The following CCDC78 variants were observed in gnomAD, a reference collection of about 807,000 sequenced individuals.
CCDC78 encodes the protein coiled-coil domain-containing protein 78.
Under a neutral mutation model 61.9 loss-of-function variants are expected in CCDC78, and 78 were observed. The ratio of observed to expected loss-of-function variants is 1.26; its 90% CI spans 1.05 to 1.52. The LOEUF (loss-of-function observed/expected upper bound fraction) is 1.52. Among genes scored for constraint, CCDC78 ranks in the 40% most tolerant of loss-of-function variants. The pLI, the probability that CCDC78 is intolerant of heterozygous loss-of-function variation, is 0.00. For missense variants in CCDC78, 737 were observed against 615.5 expected (o/e 1.20, Z -2.09); for synonymous variants, 287 against 251.9 (o/e 1.14, Z -1.32).
Position 726,394 on chromosome 16 carries a change from A to T in CCDC78, c.-27T>A, listed in dbSNP as rs1298256518. The T allele has an allele frequency of 1.3e-6, 2 of 1,514,788 alleles. No homozygotes were observed. The highest frequency in any genetic ancestry group is 2.5e-5 in the South Asian group (2 of 80,408). 93.8% of individuals were successfully genotyped at this position (1,514,788 alleles called of 1,614,324 possible). A position where few individuals can be genotyped will look rare whatever the true frequency, so the allele number is the denominator to read the frequency against. On this transcript the variant is annotated 5_prime_UTR_variant, in exon 1 of 14. Coordinates refer to ENST00000345165, the MANE Select transcript of CCDC78 (RefSeq NM_001378030.1). ...GGCTAGGGAACCCTGGCCAGCTCCG[A>T]GCCCGGTGCTGCCTCCACGCCCGGC...
chr16:723,106 G>C lies in CCDC78; in HGVS notation c.1189C>G (p.Arg397Gly). 2 of 1,612,734 alleles carry C rather than the reference G, an allele frequency of 1.2e-6. No homozygotes were observed. Among genetic ancestry groups the C allele is most frequent in the East Asian group, 2.2e-5 (1 of 44,892 alleles). The change falls in exon 12 of 14, where the codon CGC (arginine) becomes GGC (glycine). Residue 397 changes from arginine to glycine, a missense_variant. Transcript: ENST00000345165. The stretch of plus-strand genomic sequence containing the variant: ...CCCTTGCCTCCTACCTGGGTGCTGC[G>C]GGAGAAGTCCCGGAGCTTCTGGTGG... ...QIHQKLRDFS[R>G]STQAELERER...
chr16:725,920 G>A (rs1470639246), intron 2 of CCDC78, 40 bp from the exon 3 acceptor site: 2 of 1,588,108 alleles, frequency 1.3e-6, no homozygotes, highest in Admixed American at 1.8e-5. Context: ...TGTGGGCCCT[G>A]CTGGCACCCT....
In CCDC78 at chr16:725,447, TG is replaced by T. The variant is rs758119082; in HGVS notation, c.400del (p.Gln134ArgfsTer19). On this transcript the variant is annotated frameshift_variant, in exon 4 of 14. Coordinates refer to ENST00000345165, the MANE Select transcript of CCDC78 (RefSeq NM_001378030.1). LOFTEE classifies it high-confidence loss of function. ...GTGGTCATCAGAGTGTCCAGGCACC[TG>T]GGCTTTGTGTCTGAGCTCTTGGGCT... is the stretch of plus-strand genomic sequence containing the variant. ...AAAQELRHKA[Q>X]VPGHSDDHRF... 8 of 1,612,674 alleles carry T rather than the reference TG, an allele frequency of 5.0e-6. No homozygotes were observed. The South Asian group carries it at 8.8e-5, about 18-fold the overall frequency.
chr16:722,880 C>A, intron 13 of CCDC78, 42 bp downstream of exon 13: 1 of 1,610,186 alleles, frequency 6.2e-7, no homozygotes, highest in Middle Eastern at 1.7e-4. Flanking sequence ...TCATTCCAAC[C>A]AGACCAGGGC....
rs1462255507 is a variant in CCDC78, at chr16:723,888, C to T, written c.1102G>A (p.Gly368Arg). The T allele has an allele frequency of 1.3e-6, 2 of 1,598,732 alleles. No individual in the cohort carries two copies. The highest frequency in any genetic ancestry group is 2.7e-5 in the African/African-American group (2 of 74,640). The change falls in exon 11 of 14, where the codon GGA (glycine) becomes AGA (arginine). Residue 368 changes from glycine to arginine, a missense_variant. By Grantham distance (125) the Gly-to-Arg change is moderately radical. Transcript: ENST00000345165. ...LLSSPKKRPG[G>R]ASQGGTSEPQ... ...TCTGATGTTCCCCCCTGGGAGGCTCCACCGGGTCTCTTTTTTGGGGATGAG... is the reference window on the plus strand; with the variant it reads ...TCTGATGTTCCCCCCTGGGAGGCTCTACCGGGTCTCTTTTTTGGGGATGAG...
At chr16:723,700 G>A in intron 11 of CCDC78, 157 bp downstream of exon 11, 1 of 729,716 alleles carries the variant, frequency 1.4e-6, no homozygotes, top group Non-Finnish European at 2.4e-6. Context: ...GGGACCCACG[G>A]AGGGACCCCA....
At position 724,906 on chromosome 16, in the gene CCDC78, C is replaced by A; in HGVS notation, c.639+5G>T. 6.3e-7 allele frequency: 1 copy of A among 1,599,484 alleles called. No homozygotes were observed. Among genetic ancestry groups the A allele is most frequent in the Admixed American group, 1.7e-5 (1 of 57,920 alleles). On this transcript the variant is annotated splice_donor_5th_base_variant and intron_variant, in intron 7 of 13. Transcript: ENST00000345165. ...GGTCTCCAAGCAGTCAGGGCAGAGC[C>A]TCACCACAGCCTGTGTGGCCAGTCG... is the stretch of plus-strand genomic sequence containing the variant.
intron 11 of CCDC78, chr16:723,626 G>A (rs760878264): frequency 1.3e-5 from 9 of 695,586 alleles, no homozygotes; most frequent in East Asian, 2.7e-5. Flanking sequence ...CTGATCCTCC[G>A]TGTTCAAGGC....
chr16:726,115 G>A (rs1246419474), intron 1 of CCDC78, 30 bp from the exon 2 acceptor site: 40 of 1,549,356 alleles, frequency 2.6e-5, no homozygotes, highest in Non-Finnish European at 3.1e-5. Context: ...CATTCCCCAG[G>A]TGGGTCCCAG....
chr16:725,093 G>A lies in CCDC78; in HGVS notation c.545C>T (p.Ala182Val), dbSNP rs1000549010. The change falls in exon 6 of 14, where the codon GCA becomes GTA. Residue 182 changes from alanine (A) to valine (V), a missense_variant. Coordinates refer to ENST00000345165, the MANE Select transcript of CCDC78 (RefSeq NM_001378030.1). ...GGCCACTCACACACGCGTCACCAGT[G>A]CCTGCTGCCGGGCCTCCTGATGCTC... is the stretch of plus-strand genomic sequence containing the variant. ...ALEHQEARQQ[A>V]LVTRVATLGR... 6.2e-7 allele frequency: 1 copy of A among 1,612,722 alleles called. No individual in the cohort carries two copies. Among genetic ancestry groups the A allele is most frequent in the African/African-American group, 1.3e-5 (1 of 75,042 alleles).
At chr16:724,543 A>G in intron 8 of CCDC78, 34 bp from the exon 9 acceptor site, 1 of 1,521,952 alleles carries the variant, frequency 6.6e-7, no homozygotes, top group Non-Finnish European at 8.9e-7. Context: ...CATGGGGCCC[A>G]CCCCCCATCT....
chr16:724,052 G>A (rs770577847), intron 10 of CCDC78, 54 bp downstream of exon 10: 33 of 882,094 alleles, frequency 3.7e-5, no homozygotes, highest in Non-Finnish European at 4.6e-5. Flanking sequence ...GTGTGGGGCA[G>A]TGGGTGGGTG....
intron 11 of CCDC78, 56 bp downstream of exon 11, chr16:723,801 G>A (rs367596066): frequency 1.6e-5 from 24 of 1,505,768 alleles, no homozygotes; most frequent in African/African-American, 6.9e-5. Context: ...GGGTGCAGGC[G>A]TTGTGCTCTC....
chr16:723,293 C>G, intron 11 of CCDC78, 132 bp from the exon 12 acceptor site: 1 of 842,308 alleles, frequency 1.2e-6, no homozygotes, highest in South Asian at 1.5e-5. Flanking sequence ...AGGCATGGGC[C>G]CCCCCCGTGC....
chr16:726,197 T>C (rs1156283016), intron 1 of CCDC78, 111 bp downstream of exon 1: 2 of 1,550,164 alleles, frequency 1.3e-6, no homozygotes, highest in Non-Finnish European at 1.7e-6. Context: ...TAAAAGTCCC[T>C]CTCCTGGCTG....
rs370998388 is a variant in CCDC78 at position 725,261 on chromosome 16, A to G, written c.468T>C (p.Asn156=). 1.9e-6 allele frequency: 3 copies of G among 1,607,340 alleles called. No individual in the cohort carries two copies. Among genetic ancestry groups the G allele is most frequent in the South Asian group, 1.1e-5 (1 of 91,074 alleles). ...VQPKNTMNPE[N]EQHRLGSGLQ... is the part of the protein sequence containing the mutation. Reference sequence around the variant, plus strand: ...CGCCGCTCCCCAGCCTGTGCTGCTCATTCTCGGGGTTCATGGTGTTCTTGG... The same window carrying G: ...CGCCGCTCCCCAGCCTGTGCTGCTCGTTCTCGGGGTTCATGGTGTTCTTGG... Residue 156 remains asparagine, a synonymous_variant, in exon 5 of 14, where the codon AAT becomes AAC. Transcript: ENST00000345165.
chr16:722,882 G>T, intron 13 of CCDC78, 40 bp downstream of exon 13: 1 of 1,610,212 alleles, frequency 6.2e-7, no homozygotes, highest in South Asian at 1.1e-5. Flanking sequence ...ATTCCAACCA[G>T]ACCAGGGCCC....
In CCDC78 at chr16:725,594, G is replaced by A. The variant is rs775012245; in HGVS notation, c.268-14C>T. ...CAGCCGAAGGATCTGTGGGACAACT[G>A]GCATGAGCAGGTGCACCTGCCCGCG... On this transcript the variant is annotated splice_polypyrimidine_tract_variant and intron_variant, in intron 3 of 13. Transcript: ENST00000345165. 2.1e-5 allele frequency: 33 copies of A among 1,602,870 alleles called. No individual in the cohort carries two copies. Among genetic ancestry groups the A allele is most frequent in the Non-Finnish European group, 2.7e-5 (32 of 1,174,954 alleles).
At chr16:723,319 C>A (rs1339193374) in intron 11 of CCDC78, 158 bp from the exon 12 acceptor site, 35 of 828,552 alleles carry the variant, frequency 4.2e-5, no homozygotes, top group Non-Finnish European at 6.6e-5. Flanking sequence ...TGGCGCCCCC[C>A]CCAGGCCTTG....
Sources: gnomAD v4.1 joint callset for allele counts on GRCh38, gnomAD v4.1.1 for gene constraint, MANE v1.5 for transcripts, NCBI Gene and HGNC (gene_info 2026-07-23, HGNC 2026-07-21) for gene names.